The following CDH13 variants were observed in gnomAD, a reference collection of about 807,000 sequenced individuals.
CDH13 encodes cadherin-13.
A neutral mutation model predicts 63.8 loss-of-function variants in CDH13; 24 were observed. The ratio of observed to expected loss-of-function variants is 0.38; its 90% CI spans 0.27 to 0.53. The LOEUF is 0.53. Ranked by LOEUF, CDH13 falls within the 20% of genes least tolerant of loss-of-function variation. The pLI is 0.85. For missense variants in CDH13, 1,049 were observed against 903.1 expected (o/e 1.16, Z -2.07); for synonymous variants, 503 against 355.3 (o/e 1.42, Z -4.67).
chr16:82,855,336 C>G (rs966982242), intron 1 of CDH13, among the ~76,000 whole-genome samples: 1 of 152,198 alleles, frequency 6.6e-6, no homozygotes, highest in Admixed American at 6.5e-5. Context: ...TGTGGTTTCT[C>G]TCAGTCCTGA....
At chr16:82,693,242 T>C (rs1264108000) in intron 1 of CDH13, among the ~76,000 whole-genome samples, 1 of 152,228 alleles carries the variant, frequency 6.6e-6, no homozygotes, top group African/African-American at 2.4e-5. Flanking sequence ...AGGCATGCCC[T>C]GTTTCCTGAC....
At chr16:82,802,908 TC>T (rs2036938126) in intron 1 of CDH13, among the ~76,000 whole-genome samples, 1 of 152,186 alleles carries the variant, frequency 6.6e-6, no homozygotes, top group Non-Finnish European at 1.5e-5. Context: ...TTTGCTGTCC[TC>T]CTTACTTTGA....
chr16:83,282,606 A>G (rs1267818680), intron 5 of CDH13, among the ~76,000 whole-genome samples: 1 of 152,214 alleles, frequency 6.6e-6, no homozygotes, highest in Non-Finnish European at 1.5e-5. Flanking sequence ...TTTGCAACAT[A>G]CATGCCAGAC....
chr16:83,192,251 C>G (rs2038742263), intron 4 of CDH13, among the ~76,000 whole-genome samples: 1 of 152,164 alleles, frequency 6.6e-6, no homozygotes, highest in African/African-American at 2.4e-5. Flanking sequence ...AAACACTGTA[C>G]TTGACCTTCA....
At chr16:83,529,068 C>A (rs1187471910) in intron 7 of CDH13, among the ~76,000 whole-genome samples, 1 of 149,664 alleles carries the variant, frequency 6.7e-6, no homozygotes, top group East Asian at 2.0e-4. Context: ...CCACCCAAAC[C>A]CCCTCCCCAT....
intron 7 of CDH13, among the ~76,000 whole-genome samples, chr16:83,537,295 G>A (rs1282898628): frequency 6.6e-6 from 1 of 152,150 alleles, no homozygotes. Flanking sequence ...ACAATGAATT[G>A]GCTGATCTAT....
At chr16:83,146,451 C>T (rs572982890) in intron 4 of CDH13, among the ~76,000 whole-genome samples, 8 of 152,116 alleles carry the variant, frequency 5.3e-5, no homozygotes, top group African/African-American at 1.9e-4. Flanking sequence ...TTTGTTTGGT[C>T]TTCCCTTATG....
chr16:82,832,776 A>C (rs2038603705), intron 1 of CDH13, among the ~76,000 whole-genome samples: 3 of 152,208 alleles, frequency 2.0e-5, no homozygotes, highest in African/African-American at 7.2e-5. Context: ...TGAAATGTAA[A>C]TAGATAAAAA....
At chr16:83,210,809 C>T (rs995978240) in intron 4 of CDH13, among the ~76,000 whole-genome samples, 5 of 150,832 alleles carry the variant, frequency 3.3e-5, no homozygotes, top group African/African-American at 1.2e-4. Flanking sequence ...CACAGTCACA[C>T]ATGGCAGTGG....
At chr16:82,855,205 T>A (rs1228041127) in intron 1 of CDH13, among the ~76,000 whole-genome samples, 1 of 152,212 alleles carries the variant, frequency 6.6e-6, no homozygotes, top group Non-Finnish European at 1.5e-5. Flanking sequence ...TTATTTTTTT[T>A]ATTTTGTAAC....
intron 6 of CDH13, among the ~76,000 whole-genome samples, chr16:83,448,983 T>C (rs143342426): frequency 1.3e-5 from 2 of 152,284 alleles, no homozygotes; most frequent in African/African-American, 4.8e-5. Context: ...AGCAACAATA[T>C]GCTCCTAGAT....
chr16:83,049,633 T>A (rs1046718005), intron 3 of CDH13, among the ~76,000 whole-genome samples: 1 of 152,192 alleles, frequency 6.6e-6, no homozygotes, highest in African/African-American at 2.4e-5. Flanking sequence ...CTGGCCTCTT[T>A]TACTTTGCAT....
chr16:83,032,279 T>C (rs569386167), intron 3 of CDH13, 61 bp downstream of exon 3: 2 of 1,287,024 alleles, frequency 1.6e-6, no homozygotes, highest in African/African-American at 1.5e-5. Context: ...GTCTGTCTTA[T>C]GTGGAAAATG....
chr16:82,842,962 C>T (rs145334788), intron 1 of CDH13, among the ~76,000 whole-genome samples: 45 of 152,256 alleles, frequency 3.0e-4, no homozygotes, highest in Non-Finnish European at 3.2e-4. Flanking sequence ...GGTGGTAATG[C>T]AAGTGCTGGG....
At chr16:83,439,261 G>C (rs910180088) in intron 6 of CDH13, among the ~76,000 whole-genome samples, 2 of 152,156 alleles carry the variant, frequency 1.3e-5, no homozygotes, top group Non-Finnish European at 2.9e-5. Flanking sequence ...TGAAAAAGAA[G>C]CTATTAATAC....
intron 1 of CDH13, among the ~76,000 whole-genome samples, chr16:82,766,959 A>C (rs1183403970): frequency 6.6e-6 from 1 of 152,168 alleles, no homozygotes. Context: ...CCTAGATTCT[A>C]CCGTTACCAT....
chr16:83,236,210 A>G (rs942825437), intron 5 of CDH13, among the ~76,000 whole-genome samples: 16 of 141,860 alleles, frequency 1.1e-4, no homozygotes, highest in African/African-American at 3.7e-4. Context: ...GAACTGAGAG[A>G]TAGCCCCCTG....
chr16:83,755,174 CA>C (rs2150980685), intron 11 of CDH13, among the ~76,000 whole-genome samples: 1 of 152,146 alleles, frequency 6.6e-6, no homozygotes, highest in Admixed American at 6.5e-5. Flanking sequence ...ATAGATATTC[CA>C]GAACTGAAAT....
intron 1 of CDH13, among the ~76,000 whole-genome samples, chr16:82,650,571 C>T (rs944122982): frequency 6.6e-6 from 1 of 152,184 alleles, no homozygotes; most frequent in Non-Finnish European, 1.5e-5. Context: ...TCAGGGTTTG[C>T]TGGGCCCCAA....
Sources: allele counts gnomAD v4.1 joint callset (sites outside exome capture counted in the v4.1 genomes callset), GRCh38; gene constraint gnomAD v4.1.1; transcripts MANE v1.5; gene names NCBI Gene and HGNC (gene_info 2026-07-23, HGNC 2026-07-21).